The following EIF3A variants were observed in gnomAD, a reference collection of about 807,000 sequenced individuals.
The protein encoded by EIF3A is eukaryotic translation initiation factor 3 subunit A, also known as EIF3, p180 subunit.
EIF3A carries 21 observed loss-of-function variants against 186.6 expected under a neutral mutation model. The observed-to-expected ratio is 0.11, with a 90% confidence interval of 0.08 to 0.16. The LOEUF is 0.16. EIF3A is among the 10% of genes least tolerant of loss of function. The pLI is 1.00. For synonymous variants in EIF3A, 563 were observed against 584.3 expected, an observed-to-expected ratio of 0.96 and a Z score of 0.52; for missense variants, 1,306 against 1,796.3, an observed-to-expected ratio of 0.73 and a Z score of 4.93.
chr10:119,074,062 T>C, intron 1 of EIF3A, 125 bp from the exon 2 acceptor site: 1 of 795,302 alleles, frequency 1.3e-6, no homozygotes, highest in Non-Finnish European at 1.9e-6. Flanking sequence ...ACATTTATTT[T>C]TGACTTCTAA....
In EIF3A at chr10:119,059,922, TATA is replaced by T. The variant is rs1221128166; in HGVS notation, c.1327-207_1327-205del. ...CCATTATCATACTATTCCTCAAACCTATAATCTTTTCAAATCCTAGTTGTTGTA... is the reference window on the plus strand; with the variant it reads ...CCATTATCATACTATTCCTCAAACCTATCTTTTCAAATCCTAGTTGTTGTA... On this transcript the variant is annotated intron_variant, in intron 9 of 21. Coordinates refer to ENST00000369144, the MANE Select transcript of EIF3A (RefSeq NM_003750.4). 7 of 614,902 alleles carry T rather than the reference TATA, an allele frequency of 1.1e-5. No homozygotes were observed. The East Asian group carries it at 2.0e-4, about 18-fold the overall frequency. 38.1% of individuals were successfully genotyped at this position (614,902 alleles called of 1,614,324 possible). A position where few individuals can be genotyped will look rare whatever the true frequency, so the allele number is the denominator to read the frequency against.
intron 9 of EIF3A, 108 bp from the exon 10 acceptor site, chr10:119,059,826 T>C: frequency 2.6e-6 from 2 of 783,336 alleles, no homozygotes; most frequent in Non-Finnish European, 4.5e-6. Context: ...AGAGAATTTA[T>C]GTTAGCAGTA....
rs1848230644 is a variant in EIF3A at position 119,042,814 on chromosome 10, A to G, written c.2748-42T>C. On this transcript the variant is annotated intron_variant, in intron 18 of 21. Transcript: ENST00000369144. The surrounding 1 kb of genome is among the most constrained non-coding windows in gnomAD (Gnocchi z 7.8). ...ACAATTAAAAATATATAAAATAAAA[A>G]AGCATATGATCCTTTGGGGATTTTT... The G allele has an allele frequency of 1.3e-6, 2 of 1,513,232 alleles. No homozygotes were observed. Among genetic ancestry groups the G allele is most frequent in the Non-Finnish European group, 8.8e-7 (1 of 1,139,084 alleles). 93.7% of individuals were successfully genotyped at this position (1,513,232 alleles called of 1,614,324 possible).
In EIF3A at chr10:119,071,063, G is replaced by A; in HGVS notation, c.564C>T (p.Tyr188=). 1 of 1,613,842 alleles carries A rather than the reference G, an allele frequency of 6.2e-7. No individual in the cohort carries two copies. Among genetic ancestry groups the A allele is most frequent in the Non-Finnish European group, 8.5e-7 (1 of 1,179,720 alleles). Reference sequence around the variant, plus strand: ...GTTTACGGAATTCAGCCTTACGCGTGTATTGGAGGCAGAATTTGAAAGCTA... The same window carrying A: ...GTTTACGGAATTCAGCCTTACGCGTATATTGGAGGCAGAATTTGAAAGCTA... ...AQQAFKFCLQ[Y]TRKAEFRKLC... Residue 188 remains tyrosine, a synonymous_variant, in exon 5 of 22, where the codon TAC becomes TAT. Coordinates refer to ENST00000369144, the MANE Select transcript of EIF3A (RefSeq NM_003750.4).
At chr10:119,059,039 T>G (rs1843837589) in intron 11 of EIF3A, among the ~76,000 whole-genome samples, 173 bp downstream of exon 11, 1 of 152,222 alleles carries the variant, frequency 6.6e-6, no homozygotes, top group East Asian at 1.9e-4. Flanking sequence ...GGAAGAAAGC[T>G]CAATGATTTG....
rs71016536 is a variant in EIF3A, at chr10:119,076,937, CAA to C, written c.50-3002_50-3001del. ...GGCAATAGAGGGAGAGACTCTGTCT[CAA>C]AAAAAAAAAAAAAAGAAAATGTAAC... On this transcript the variant is annotated intron_variant, in intron 1 of 21. Transcript: ENST00000369144. Among the ~76,000 whole-genome samples, 395 of 123,446 alleles carry C rather than the reference CAA, an allele frequency of 3.2e-3. 2 individuals carry two copies. Among genetic ancestry groups the C allele is most frequent in the African/African-American group, 0.012 (380 of 30,976 alleles). 81.0% of individuals were successfully genotyped at this position (123,446 alleles called of 152,430 possible). A position where few individuals can be genotyped will look rare whatever the true frequency, so the allele number is the denominator to read the frequency against.
chr10:119,054,948 G>A (rs543291161), intron 14 of EIF3A, among the ~76,000 whole-genome samples: 19 of 152,276 alleles, frequency 1.2e-4, no homozygotes, highest in Admixed American at 3.9e-4. Flanking sequence ...AGTGGCTCAC[G>A]CCTATAATCC....
chr10:119,062,036 A>G (rs745801640), intron 7 of EIF3A, among the ~76,000 whole-genome samples: 2 of 152,214 alleles, frequency 1.3e-5, no homozygotes, highest in Non-Finnish European at 2.9e-5. Flanking sequence ...GCACCCACAC[A>G]TGGGAGCACT....
chr10:119,078,022 G>A (rs1049827578), intron 1 of EIF3A, among the ~76,000 whole-genome samples: 1 of 152,162 alleles, frequency 6.6e-6, no homozygotes, highest in East Asian at 1.9e-4. Context: ...AGCATTTGGA[G>A]CATACCTTTC....
At chr10:119,041,658 A>G (rs1400247818) in intron 19 of EIF3A, among the ~76,000 whole-genome samples, 1 of 152,250 alleles carries the variant, frequency 6.6e-6, no homozygotes, top group Non-Finnish European at 1.5e-5. Flanking sequence ...GGTTTCAATT[A>G]TTTATTTTTA....
chr10:119,074,046 C>A, intron 1 of EIF3A, 109 bp from the exon 2 acceptor site: 2 of 912,916 alleles, frequency 2.2e-6, no homozygotes, highest in Non-Finnish European at 3.1e-6. Flanking sequence ...AACTTTTTAC[C>A]AAGTTACATT....
In EIF3A at chr10:119,076,062, G is replaced by A. The variant is rs140910230; in HGVS notation, c.50-2125C>T. On this transcript the variant is annotated intron_variant, in intron 1 of 21. Transcript: ENST00000369144. Reference sequence around the variant, plus strand: ...TTTTAAGAGCTATCTGATAATGGCCGGGCGCAGTAGCTCACGCCATAATCA... The same window carrying A: ...TTTTAAGAGCTATCTGATAATGGCCAGGCGCAGTAGCTCACGCCATAATCA... 1.8e-3 allele frequency among the ~76,000 whole-genome samples: 277 copies of A among 149,972 alleles called. 2 individuals are homozygous for A. The highest frequency in any genetic ancestry group is 0.018 in the East Asian group (92 of 5,016).
chr10:119,046,591 G>T (rs1455838433), intron 17 of EIF3A, among the ~76,000 whole-genome samples: 1 of 152,218 alleles, frequency 6.6e-6, no homozygotes. Flanking sequence ...GTATGGTCAT[G>T]ATTTTGTTTT....
intron 17 of EIF3A, among the ~76,000 whole-genome samples, chr10:119,048,266 A>G (rs966565324): frequency 1.5e-4 from 23 of 151,632 alleles, no homozygotes; most frequent in Admixed American, 4.6e-4. Context: ...CTGGAGGAAG[A>G]TGATGATGAG....
At chr10:119,046,931 CGGGCAAAAA>C (rs1848289501) in intron 17 of EIF3A, among the ~76,000 whole-genome samples, 2 of 147,686 alleles carry the variant, frequency 1.4e-5, no homozygotes, top group African/African-American at 5.0e-5. Flanking sequence ...CACTCCAGCC[CGGGCAAAAA>C]GGGCAAAAAA....
intron 9 of EIF3A, 96 bp downstream of exon 9, chr10:119,060,650 G>T (rs1843870062): frequency 2.6e-6 from 2 of 783,732 alleles, no homozygotes; most frequent in Admixed American, 2.7e-5. Flanking sequence ...AACTTGGGGA[G>T]GTTCTCACTT....
At chr10:119,058,544 C>G (rs1307385706) in intron 11 of EIF3A, among the ~76,000 whole-genome samples, 1 of 152,212 alleles carries the variant, frequency 6.6e-6, no homozygotes, top group Admixed American at 6.5e-5. Flanking sequence ...CAACTTTTCT[C>G]TGCACCAAAC....
intron 1 of EIF3A, among the ~76,000 whole-genome samples, chr10:119,076,332 A>T (rs1389012608): frequency 4.0e-5 from 6 of 151,284 alleles, no homozygotes; most frequent in Non-Finnish European, 8.8e-5. Context: ...CAAAAAAAAA[A>T]AAAAAAAGTT....
In EIF3A at chr10:119,038,562, T is replaced by TA. The variant is rs1316752214; in HGVS notation, c.3527-124dup. The stretch of plus-strand genomic sequence containing the variant: ...CTAAATGCTAATTTAAGACACTGAT[T>TA]AAAAAAATACTAAAGCTGTGTACAT... On this transcript the variant is annotated intron_variant, in intron 19 of 21. Coordinates refer to ENST00000369144, the MANE Select transcript of EIF3A (RefSeq NM_003750.4). 10 of 779,102 alleles carry TA rather than the reference T, an allele frequency of 1.3e-5. No individual in the cohort carries two copies. The African/African-American group carries it at 1.4e-4, about 11-fold the overall frequency. 48.3% of individuals were successfully genotyped at this position (779,102 alleles called of 1,614,324 possible).
Sources: allele counts gnomAD v4.1 joint callset (sites outside exome capture counted in the v4.1 genomes callset), GRCh38; gene constraint gnomAD v4.1.1; non-coding constraint Gnocchi (gnomAD v3.1); transcripts MANE v1.5; gene names NCBI Gene and HGNC (gene_info 2026-07-23, HGNC 2026-07-21).